Variants in PRKAR1B observed in about 807,000 individuals in gnomAD.
PRKAR1B encodes the protein cAMP-dependent protein kinase type I-beta regulatory subunit.
Under a neutral mutation model 46.5 loss-of-function variants are expected in PRKAR1B, and 22 were observed. The observed-to-expected ratio is 0.47, with a 90% CI of 0.34 to 0.68. PRKAR1B has a LOEUF of 0.68. Among genes scored for constraint, PRKAR1B ranks in the 30% least tolerant of loss-of-function variants. PRKAR1B has a pLI of 0.01. For synonymous variants in PRKAR1B, 259 were observed against 217.7 expected, an observed-to-expected ratio of 1.19 and a Z score of -1.67; for missense variants, 445 against 535.6, an observed-to-expected ratio of 0.83 and a Z score of 1.67.
rs796849655 is a variant in PRKAR1B at position 723,643 on chromosome 7, C to T, written c.-23+3567G>A. On this transcript the variant is annotated intron_variant, in intron 1 of 10. Transcript: ENST00000537384. ...ACTGCCACAGCCTTCCCAGGGCTCC[C>T]GACCAATCCGTTCAACGGAAGCCAA... Among the ~76,000 whole-genome samples the T allele has an allele frequency of 4.6e-5, 7 of 152,340 alleles. No individual in the cohort carries two copies. In the East Asian group the frequency reaches 5.8e-4, roughly 13 times the overall value.
intron 6 of PRKAR1B, among the ~76,000 whole-genome samples, chr7:601,405 G>C (rs1023316570): frequency 6.6e-6 from 1 of 152,202 alleles, no homozygotes; most frequent in Non-Finnish European, 1.5e-5. Flanking sequence ...CGTTCCCCCG[G>C]GTGCTGTAAT....
chr7:653,718 T>C (rs1785031126), intron 4 of PRKAR1B, among the ~76,000 whole-genome samples: 1 of 152,126 alleles, frequency 6.6e-6, no homozygotes, highest in Admixed American at 6.5e-5. Flanking sequence ...TAATGGAGAA[T>C]CAACTCCAAC....
At chr7:656,537 T>C (rs943351286) in intron 4 of PRKAR1B, among the ~76,000 whole-genome samples, 3 of 151,234 alleles carry the variant, frequency 2.0e-5, no homozygotes, top group African/African-American at 7.3e-5. Flanking sequence ...AAGGGGGGAA[T>C]TAATGGATGA....
chr7:646,130 C>T (rs1466052762), intron 4 of PRKAR1B, among the ~76,000 whole-genome samples: 1 of 152,088 alleles, frequency 6.6e-6, no homozygotes, highest in African/African-American at 2.4e-5. Context: ...ACTGAAACCT[C>T]AACCTCCTGG....
Position 685,328 on chromosome 7 carries a change from G to GTA in PRKAR1B, c.178-4604_178-4603dup, listed in dbSNP as rs1491405215. On this transcript the variant is annotated intron_variant, in intron 2 of 10. Coordinates refer to ENST00000537384, the MANE Select transcript of PRKAR1B (RefSeq NM_001164760.2). ...TATACGTATATATACGTATATATAC[G>GTA]TATATATACGTATATATATGTATAC... Among the ~76,000 whole-genome samples, 5 of 48,286 alleles carry GTA rather than the reference G, an allele frequency of 1.0e-4. No homozygotes were observed. In the East Asian group the frequency reaches 1.8e-3, roughly 17 times the overall value. 31.7% of individuals were successfully genotyped at this position (48,286 alleles called of 152,430 possible). A position where few individuals can be genotyped will look rare whatever the true frequency, so the allele number is the denominator to read the frequency against.
rs571818666 is a variant in PRKAR1B, at chr7:635,440, C to T, written c.441-27988G>A. ...AGAGCCTCAGAAGGATCGGAGTGGA[C>T]GGCAACCTGCCTGCACCCCCCTGGG... On this transcript the variant is annotated intron_variant, in intron 4 of 10. Coordinates refer to ENST00000537384, the MANE Select transcript of PRKAR1B (RefSeq NM_001164760.2). Among the ~76,000 whole-genome samples, 8 of 152,320 alleles carry T rather than the reference C, an allele frequency of 5.3e-5. No individual in the cohort carries two copies. The South Asian group carries it at 1.4e-3, about 28-fold the overall frequency.
intron 8 of PRKAR1B, among the ~76,000 whole-genome samples, chr7:583,892 C>G (rs1188821390): frequency 4.6e-5 from 7 of 152,216 alleles, no homozygotes; most frequent in Admixed American, 4.6e-4. Context: ...GCCCAAGGAG[C>G]CCCCACTGGC....
chr7:725,719 CAT>C (rs1401656474), intron 1 of PRKAR1B, among the ~76,000 whole-genome samples: 1 of 152,200 alleles, frequency 6.6e-6, no homozygotes, highest in Non-Finnish European at 1.5e-5. Context: ...TGGTTTGAGT[CAT>C]GCAGCTAGAG....
intron 2 of PRKAR1B, among the ~76,000 whole-genome samples, chr7:687,630 T>C (rs1321285145): frequency 6.6e-6 from 1 of 152,016 alleles, no homozygotes; most frequent in Non-Finnish European, 1.5e-5. Flanking sequence ...GGGGAGAGAA[T>C]ATGGCAGAAG....
chr7:643,803 C>T (rs1055406827), intron 4 of PRKAR1B, among the ~76,000 whole-genome samples: 12 of 152,062 alleles, frequency 7.9e-5, no homozygotes, highest in Admixed American at 4.6e-4. Context: ...TCAGCTGAGG[C>T]GGCCATGTTG....
chr7:692,582 G>C (rs939916789), intron 2 of PRKAR1B, among the ~76,000 whole-genome samples: 2 of 152,182 alleles, frequency 1.3e-5, no homozygotes, highest in African/African-American at 2.4e-5. Context: ...CCAGGGAGTT[G>C]AGAGAGGTTG....
intron 10 of PRKAR1B, among the ~76,000 whole-genome samples, chr7:550,905 C>A (rs1337473625): frequency 6.6e-6 from 1 of 152,030 alleles, no homozygotes; most frequent in South Asian, 2.1e-4. Flanking sequence ...AGACCCCCAG[C>A]TGCAGGAATG....
At position 666,622 on chromosome 7, in the gene PRKAR1B, T is replaced by C. The variant is rs1327056848; in HGVS notation, c.440+10607A>G. 6.6e-6 allele frequency among the ~76,000 whole-genome samples: 1 copy of C among 152,284 alleles called. No homozygotes were observed. Among genetic ancestry groups the C allele is most frequent in the Non-Finnish European group, 1.5e-5 (1 of 67,996 alleles). On this transcript the variant is annotated intron_variant, in intron 4 of 10. Transcript: ENST00000537384. This position sits in a 1 kb window ranked among gnomAD's most constrained non-coding sequence, Gnocchi z 4.9. ...CAGTGCAACAGGCCAAGGCCCCCTC[T>C]CACTGGGTCTCAGAGCTCTGTTCAG...
At chr7:632,838 G>A (rs946681807) in intron 4 of PRKAR1B, among the ~76,000 whole-genome samples, 1 of 102,790 alleles carries the variant, frequency 9.7e-6, no homozygotes, top group African/African-American at 3.5e-5. Flanking sequence ...ACTCTACGGG[G>A]CTGTGTGCCC....
intron 8 of PRKAR1B, among the ~76,000 whole-genome samples, chr7:582,286 C>G (rs969423527): frequency 6.6e-6 from 1 of 152,266 alleles, no homozygotes; most frequent in Non-Finnish European, 1.5e-5. Flanking sequence ...CAGGAGAAAG[C>G]GGGGTCCCAG....
At chr7:681,682 C>A (rs372588872) in intron 2 of PRKAR1B, among the ~76,000 whole-genome samples, 34 of 152,244 alleles carry the variant, frequency 2.2e-4, no homozygotes, top group African/African-American at 7.9e-4. Flanking sequence ...GAAGCCCACC[C>A]TGCCTTGAGC....
At chr7:706,155 G>A (rs1200011144) in intron 2 of PRKAR1B, among the ~76,000 whole-genome samples, 5 of 151,994 alleles carry the variant, frequency 3.3e-5, no homozygotes, top group East Asian at 3.9e-4. Context: ...GCGAAATCCC[G>A]TCTCCACAAA....
chr7:705,960 A>G (rs569059186), intron 2 of PRKAR1B, among the ~76,000 whole-genome samples: 2 of 152,162 alleles, frequency 1.3e-5, no homozygotes, highest in East Asian at 1.9e-4. Flanking sequence ...CAGGAGGCAG[A>G]GGTTGCAGTG....
intron 6 of PRKAR1B, among the ~76,000 whole-genome samples, chr7:599,463 T>C (rs1220992490): frequency 1.3e-5 from 2 of 152,132 alleles, no homozygotes; most frequent in African/African-American, 4.8e-5. Context: ...TAATTTTGTA[T>C]TTTTAGTAGA....
Sources: gnomAD v4.1 joint callset for allele counts (sites outside exome capture counted in the v4.1 genomes callset) on GRCh38, gnomAD v4.1.1 for gene constraint, Gnocchi (gnomAD v3.1) non-coding constraint, MANE v1.5 for transcripts, NCBI Gene and HGNC (gene_info 2026-07-23, HGNC 2026-07-21) for gene names.